The following SMIM3 variants were observed in gnomAD, a reference collection of about 807,000 sequenced individuals.
SMIM3 encodes NGF-induced differentiation clone 67 protein.
A neutral mutation model predicts 2.1 loss-of-function variants in SMIM3; 4 were observed. That is an observed-to-expected ratio of 1.89 (90% CI 0.93 to 4.31). SMIM3 has a LOEUF of 4.31. Among genes scored for constraint, SMIM3 ranks in the 30% most tolerant of loss-of-function variants. The pLI is 0.01. For synonymous variants in SMIM3, 29 were observed against 30.8 expected (o/e 0.94, Z 0.19); for missense variants, 79 against 77.7 (o/e 1.02, Z -0.06).
chr5:150,787,182 T>A (rs1026463257), intron 1 of SMIM3, among the ~76,000 whole-genome samples: 2 of 152,140 alleles, frequency 1.3e-5, no homozygotes, highest in Non-Finnish European at 2.9e-5. Flanking sequence ...CTCCCTGGAT[T>A]TTTGCCTTCT....
chr5:150,794,386 A>G (rs986714441), intron 1 of SMIM3, among the ~76,000 whole-genome samples: 6 of 152,234 alleles, frequency 3.9e-5, no homozygotes, highest in African/African-American at 1.4e-4. Context: ...ATAGCAGCAC[A>G]ATTCACAATT....
At position 150,792,332 on chromosome 5, in the gene SMIM3, A is replaced by G. The variant is rs531031573; in HGVS notation, c.-11-3098A>G. The stretch of plus-strand genomic sequence containing the variant: ...GAATGTATTATATCGATGGTTCCCA[A>G]GCTGAGCACTGAAGTGTCCTGGGAG... On this transcript the variant is annotated intron_variant, in intron 1 of 1. Coordinates refer to ENST00000526627, the MANE Select transcript of SMIM3 (RefSeq NM_032947.5). 1.6e-4 allele frequency among the ~76,000 whole-genome samples: 25 copies of G among 152,366 alleles called. 1 individual carries two copies. In the South Asian group the frequency reaches 5.0e-3, roughly 30 times the overall value.
chr5:150,791,395 G>T (rs1366879951), intron 1 of SMIM3, among the ~76,000 whole-genome samples: 2 of 151,906 alleles, frequency 1.3e-5, no homozygotes, highest in Non-Finnish European at 2.9e-5. Context: ...CCTTTGACCA[G>T]TATCTCCCCA....
At chr5:150,779,595 T>C (rs1371223110) in intron 1 of SMIM3, among the ~76,000 whole-genome samples, 1 of 152,184 alleles carries the variant, frequency 6.6e-6, no homozygotes, top group African/African-American at 2.4e-5. Flanking sequence ...GCAAAGTATC[T>C]TGGAGAGAAG....
Position 150,794,962 on chromosome 5 carries a change from G to A in SMIM3, c.-11-468G>A, listed in dbSNP as rs955145143. Reference sequence around the variant, plus strand: ...CAGAAAGGGGAGAATGGGAGAAGCGGTATAGGACCAAAAACAATGCATCTC... The same window carrying A: ...CAGAAAGGGGAGAATGGGAGAAGCGATATAGGACCAAAAACAATGCATCTC... On this transcript the variant is annotated intron_variant, in intron 1 of 1. Transcript: ENST00000526627. 3.0e-4 allele frequency among the ~76,000 whole-genome samples: 46 copies of A among 152,126 alleles called. 1 individual carries two copies. Among genetic ancestry groups the A allele is most frequent in the Non-Finnish European group, 1.3e-4 (9 of 68,024 alleles).
At chr5:150,792,235 T>C (rs1753356132) in intron 1 of SMIM3, among the ~76,000 whole-genome samples, 1 of 152,170 alleles carries the variant, frequency 6.6e-6, no homozygotes, top group Non-Finnish European at 1.5e-5. Flanking sequence ...GAACCTAGAA[T>C]CACAGAATTA....
intron 1 of SMIM3, among the ~76,000 whole-genome samples, chr5:150,789,746 G>C (rs1423293409): frequency 6.6e-6 from 1 of 152,184 alleles, no homozygotes; most frequent in Non-Finnish European, 1.5e-5. Flanking sequence ...TTCGTAACAT[G>C]CAAAGTTTGT....
At chr5:150,790,548 T>C (rs961638590) in intron 1 of SMIM3, among the ~76,000 whole-genome samples, 1 of 152,210 alleles carries the variant, frequency 6.6e-6, no homozygotes, top group Non-Finnish European at 1.5e-5. Flanking sequence ...GCTCGGCAGA[T>C]AATCCTATGG....
rs1753400609 is a variant in SMIM3 at position 150,795,966 on chromosome 5, C to T, written c.*343C>T. On this transcript the variant is annotated 3_prime_UTR_variant, in exon 2 of 2. Transcript: ENST00000526627. ...GAGAAGCTTTCAAGAACCAGAGAAC[C>T]TGATTGCTGATGATGGCCTTAAAGG... 3.7e-6 allele frequency: 1 copy of T among 267,870 alleles called. No individual in the cohort carries two copies. The highest frequency in any genetic ancestry group is 7.3e-6 in the Non-Finnish European group (1 of 137,154). The allele number at this position is 267,870 out of a possible 1,614,324, so 16.6% of individuals were successfully genotyped here. A position where few individuals can be genotyped will look rare whatever the true frequency, so the allele number is the denominator to read the frequency against.
At chr5:150,791,160 G>C (rs997152561) in intron 1 of SMIM3, among the ~76,000 whole-genome samples, 1 of 152,228 alleles carries the variant, frequency 6.6e-6, no homozygotes, top group East Asian at 1.9e-4. Flanking sequence ...CACTCAGAAA[G>C]TAATTTTCCT....
intron 1 of SMIM3, 142 bp from the exon 2 acceptor site, chr5:150,795,288 C>T: frequency 1.2e-6 from 1 of 828,292 alleles, no homozygotes; most frequent in East Asian, 2.5e-5. Flanking sequence ...GTAAATGAAG[C>T]CATTGTAATT....
chr5:150,779,375 C>T (rs1753208357), intron 1 of SMIM3, among the ~76,000 whole-genome samples: 1 of 152,158 alleles, frequency 6.6e-6, no homozygotes, highest in South Asian at 2.1e-4. Context: ...GCCTGAGCAC[C>T]TGCTTGGGCG....
chr5:150,781,763 C>T (rs1020473364), intron 1 of SMIM3, among the ~76,000 whole-genome samples: 12 of 152,116 alleles, frequency 7.9e-5, no homozygotes, highest in Non-Finnish European at 1.3e-4. Context: ...AGCTCTGTCA[C>T]GGAGCACCCT....
In SMIM3 at chr5:150,795,606, C is replaced by T. The variant is rs764260778; in HGVS notation, c.166C>T (p.Leu56Phe). Residue 56 changes from leucine (L) to phenylalanine (F), a missense_variant, in exon 2 of 2, where the codon CTT becomes TTT. By Grantham distance (22) the Leu-to-Phe change is conservative. Transcript: ENST00000526627. Reference protein sequence around the residue: ...IIYRMRTHPILSGAV With the variant: ...IIYRMRTHPIFSGAV Reference sequence around the variant, plus strand: ...CTATCGCATGCGGACTCATCCGATCCTTAGTGGGGCTGTTTGAGAGCCTCC... The same window carrying T: ...CTATCGCATGCGGACTCATCCGATCTTTAGTGGGGCTGTTTGAGAGCCTCC... The T allele has an allele frequency of 6.4e-6, 10 of 1,552,062 alleles. No homozygotes were observed. Among genetic ancestry groups the T allele is most frequent in the Non-Finnish European group, 7.8e-6 (9 of 1,154,926 alleles).
chr5:150,795,799 G>C lies in SMIM3; in HGVS notation c.*176G>C, dbSNP rs1753399048. 15 of 656,448 alleles carry C rather than the reference G, an allele frequency of 2.3e-5. No individual in the cohort carries two copies. In the South Asian group the frequency reaches 2.8e-4, roughly 12 times the overall value. The allele number at this position is 656,448 out of a possible 1,614,324, so 40.7% of individuals were successfully genotyped here. ...AAGGGACCTAACTCTCTGAGTTCCA[G>C]GTTCCTTATCTTTCAAATGGGGATG... On this transcript the variant is annotated 3_prime_UTR_variant, in exon 2 of 2. Transcript: ENST00000526627.
Position 150,795,423 on chromosome 5 carries a change from G to T in SMIM3, c.-11-7G>T. 1 of 1,613,914 alleles carries T rather than the reference G, an allele frequency of 6.2e-7. No homozygotes were observed. Among genetic ancestry groups the T allele is most frequent in the East Asian group, 2.2e-5 (1 of 44,880 alleles). ...CAACAGTGATCTTCCTTTCTTGTCT[G>T]TTGCAGAGTGAAGCAACATGGATGC... On this transcript the variant is annotated splice_polypyrimidine_tract_variant and splice_region_variant and intron_variant, in intron 1 of 1. Coordinates refer to ENST00000526627, the MANE Select transcript of SMIM3 (RefSeq NM_032947.5).
At chr5:150,794,455 G>C (rs1184396064) in intron 1 of SMIM3, among the ~76,000 whole-genome samples, 2 of 152,174 alleles carry the variant, frequency 1.3e-5, no homozygotes, top group African/African-American at 4.8e-5. Flanking sequence ...AAGAAACTGT[G>C]AGATATACAC....
Position 150,795,750 on chromosome 5 carries a change from C to T in SMIM3, c.*127C>T, listed in dbSNP as rs192656282. The T allele has an allele frequency of 3.1e-4, 333 of 1,057,196 alleles. 1 individual carries two copies. In the African/African-American group the frequency reaches 4.2e-3, roughly 13 times the overall value. The allele number at this position is 1,057,196 out of a possible 1,614,324, so 65.5% of individuals were successfully genotyped here. A position where few individuals can be genotyped will look rare whatever the true frequency, so the allele number is the denominator to read the frequency against. On this transcript the variant is annotated 3_prime_UTR_variant, in exon 2 of 2. Transcript: ENST00000526627. The stretch of plus-strand genomic sequence containing the variant: ...CTGAGTTCTGGTTTTGATTCTGCCA[C>T]GAGCCAGCTGTGTGAATTTGGTCAA...
chr5:150,786,575 C>T (rs1753295982), intron 1 of SMIM3, among the ~76,000 whole-genome samples: 1 of 152,182 alleles, frequency 6.6e-6, no homozygotes, highest in African/African-American at 2.4e-5. Context: ...GTGTGAGCCA[C>T]CACTTGTAAC....
Sources: allele counts gnomAD v4.1 joint callset (sites outside exome capture counted in the v4.1 genomes callset), GRCh38; gene constraint gnomAD v4.1.1; transcripts MANE v1.5; gene names NCBI Gene and HGNC (gene_info 2026-07-23, HGNC 2026-07-21).